Variants in DMD observed in about 807,000 individuals in gnomAD.
The protein encoded by DMD is mutant dystrophin.
In DMD, 63 loss-of-function variants were observed where a neutral mutation model predicts 330.1. The ratio of observed to expected loss-of-function variants is 0.19; its 90% confidence interval spans 0.16 to 0.24. DMD has a LOEUF of 0.24. Ranked by LOEUF, DMD falls within the 10% of genes least tolerant of loss-of-function variation. DMD has a pLI of 1.00. For synonymous variants in DMD, 1,223 were observed against 959.8 expected, an observed-to-expected ratio of 1.27 and a Z score of -5.07; for missense variants, 3,344 against 2,684.1, an observed-to-expected ratio of 1.25 and a Z score of -5.43.
intron 1 of DMD, among the ~76,000 whole-genome samples, chrX:33,085,464 G>A (rs1185991066): frequency 9.0e-6 from 1 of 111,546 alleles, no homozygotes; most frequent in Non-Finnish European, 1.9e-5. Flanking sequence ...AAAATATGGT[G>A]TCTTCTAGAT....
chrX:32,200,966 A>G (rs956937889), intron 44 of DMD, among the ~76,000 whole-genome samples: 16 of 111,364 alleles, frequency 1.4e-4, no homozygotes, highest in African/African-American at 5.2e-4. Flanking sequence ...TTGCAAATAC[A>G]TCACTCTCAC....
intron 52 of DMD, among the ~76,000 whole-genome samples, chrX:31,723,975 G>C (rs1379780133): frequency 8.9e-6 from 1 of 111,832 alleles, no homozygotes; most frequent in African/African-American, 3.3e-5. Flanking sequence ...AAAGACAAAG[G>C]CTGAATCTTA....
intron 2 of DMD, among the ~76,000 whole-genome samples, chrX:32,920,128 A>C (rs1471481926): frequency 9.0e-6 from 1 of 111,726 alleles, no homozygotes; most frequent in Non-Finnish European, 1.9e-5. Flanking sequence ...ATTATGTAAT[A>C]GTCAATACGC....
At chrX:31,394,966 A>G (rs1251115729) in intron 60 of DMD, among the ~76,000 whole-genome samples, 1 of 109,728 alleles carries the variant, frequency 9.1e-6, no homozygotes, top group African/African-American at 3.3e-5. Flanking sequence ...AGAGAGACCA[A>G]GTGTGGTGAG....
chrX:31,928,331 C>T (rs1054641647), intron 47 of DMD, among the ~76,000 whole-genome samples: 9 of 111,484 alleles, frequency 8.1e-5, no homozygotes, highest in East Asian at 2.8e-4. Context: ...GGAGGCTGGG[C>T]GCGGTGGCTC....
intron 29 of DMD, among the ~76,000 whole-genome samples, chrX:32,425,556 T>G (rs2098208847): frequency 8.9e-6 from 1 of 111,872 alleles, no homozygotes; most frequent in Admixed American, 9.6e-5. Flanking sequence ...TTACTGGCCT[T>G]TCTTTCTCAT....
intron 51 of DMD, among the ~76,000 whole-genome samples, chrX:31,771,970 A>T (rs1390785892): frequency 9.0e-6 from 1 of 111,725 alleles, no homozygotes; most frequent in Non-Finnish European, 1.9e-5. Context: ...GGAAGTGTGG[A>T]CTTTCTCTCC....
rs1170191479 is a variant in DMD at position 31,539,687 on chromosome X, A to G, written c.8218-32234T>C. ...AAATTGTCAGAGGAACAACGAAGAG[A>G]TCATCTGTAATATCGTTTTGAGACA... On this transcript the variant is annotated intron_variant, in intron 55 of 78. Transcript: ENST00000357033. Among the ~76,000 whole-genome samples, 3 of 112,251 alleles carry G rather than the reference A, an allele frequency of 2.7e-5. No homozygotes were observed. The East Asian group carries it at 8.4e-4, about 31-fold the overall frequency.
chrX:31,890,500 T>A (rs1443054330), intron 47 of DMD, among the ~76,000 whole-genome samples: 1 of 111,588 alleles, frequency 9.0e-6, no homozygotes, highest in Non-Finnish European at 1.9e-5. Context: ...ACATTTCCAA[T>A]GCTCAAAACC....
chrX:32,609,590 T>C lies in DMD; in HGVS notation c.1482+4713A>G, dbSNP rs146074766. Among the ~76,000 whole-genome samples the C allele has an allele frequency of 8.5e-4, 95 of 111,362 alleles. 2 individuals carry two copies. The highest frequency in any genetic ancestry group is 4.6e-3 in the Middle Eastern group (1 of 218). ...AATGTCAGATCCTTTGGCAGAATTA[T>C]ACCTAATCCTTCTCTGTAACATGAA... On this transcript the variant is annotated intron_variant, in intron 12 of 78. Transcript: ENST00000357033.
intron 44 of DMD, among the ~76,000 whole-genome samples, chrX:32,197,023 AC>A (rs1019725728): frequency 2.8e-5 from 3 of 107,565 alleles, no homozygotes; most frequent in Non-Finnish European, 1.9e-5. Context: ...AAAAGAAAAA[AC>A]AAGACAGGTG....
intron 55 of DMD, among the ~76,000 whole-genome samples, chrX:31,603,164 C>A (rs527922580): frequency 4.5e-5 from 5 of 110,298 alleles, no homozygotes; most frequent in Non-Finnish European, 9.5e-5. Flanking sequence ...CGAACAGAAC[C>A]GACGGCCTAG....
At chrX:31,270,200 T>TC (rs1291343021) in intron 62 of DMD, among the ~76,000 whole-genome samples, 2 of 109,748 alleles carry the variant, frequency 1.8e-5, no homozygotes, top group Non-Finnish European at 3.8e-5. Flanking sequence ...TTTTTTTTTT[T>TC]TCTCCTAGCC....
intron 1 of DMD, among the ~76,000 whole-genome samples, chrX:33,199,429 C>T (rs914180795): frequency 7.2e-5 from 8 of 110,873 alleles, no homozygotes; most frequent in African/African-American, 2.3e-4. Flanking sequence ...TGAATGGTTG[C>T]ACCATTCAAT....
intron 43 of DMD, among the ~76,000 whole-genome samples, chrX:32,220,512 C>T (rs1047743253): frequency 2.1e-4 from 23 of 111,171 alleles, no homozygotes; most frequent in African/African-American, 3.6e-4. Context: ...TTTTAAAATA[C>T]ACTTTTCAGT....
chrX:32,578,998 A>G, intron 13 of DMD, among the ~76,000 whole-genome samples: 1 of 111,568 alleles, frequency 9.0e-6, no homozygotes, highest in East Asian at 2.8e-4. Context: ...GTTAAAACGT[A>G]TAAGCAACTT....
At chrX:32,381,906 C>T (rs778296217) in intron 33 of DMD, among the ~76,000 whole-genome samples, 2 of 110,715 alleles carry the variant, frequency 1.8e-5, no homozygotes, top group Admixed American at 9.7e-5. Flanking sequence ...CTCTGCGATA[C>T]GTAGTGGACT....
chrX:33,080,542 TTTTAGTG>T (rs2094912134), intron 1 of DMD, among the ~76,000 whole-genome samples: 1 of 111,912 alleles, frequency 8.9e-6, no homozygotes, highest in Non-Finnish European at 1.9e-5. Flanking sequence ...CAACTTTGAT[TTTTAGTG>T]AAAAACCTGA....
At chrX:32,808,960 A>C (rs1310452311) in intron 7 of DMD, among the ~76,000 whole-genome samples, 2 of 112,142 alleles carry the variant, frequency 1.8e-5, no homozygotes, top group Non-Finnish European at 3.8e-5. Flanking sequence ...AAATATAAAT[A>C]CACTTCTGCC....
Sources: allele counts gnomAD v4.1 joint callset (sites outside exome capture counted in the v4.1 genomes callset), GRCh38; gene constraint gnomAD v4.1.1; transcripts MANE v1.5; gene names NCBI Gene and HGNC (gene_info 2026-07-23, HGNC 2026-07-21).